The following LHFPL3 variants were observed in gnomAD, a reference collection of about 807,000 sequenced individuals.
LHFPL3 encodes LHFPL tetraspan subfamily member 3.
A neutral mutation model predicts 19.3 loss-of-function variants in LHFPL3; 5 were observed. The ratio of observed to expected loss-of-function variants is 0.26; its 90% CI spans 0.14 to 0.54. The LOEUF (loss-of-function observed/expected upper bound fraction) is 0.54. Ranked by LOEUF, LHFPL3 falls within the 20% of genes least tolerant of loss-of-function variation. The pLI, the probability that LHFPL3 is intolerant of heterozygous loss-of-function variation, is 0.94. For missense variants in LHFPL3, 249 were observed against 307.4 expected (o/e 0.81, Z 1.42); for synonymous variants, 133 against 126.2 (o/e 1.05, Z -0.36).
chr7:104,724,252 A>G (rs923221721), intron 1 of LHFPL3, among the ~76,000 whole-genome samples: 7 of 152,186 alleles, frequency 4.6e-5, no homozygotes, highest in Admixed American at 4.6e-4. Flanking sequence ...TTCCAAAGAA[A>G]CCAACAAAGC....
intron 1 of LHFPL3, among the ~76,000 whole-genome samples, chr7:104,444,445 G>A (rs1671741092): frequency 6.6e-6 from 1 of 152,140 alleles, no homozygotes; most frequent in South Asian, 2.1e-4. Context: ...TGTATTTTTA[G>A]ATAATTCTCC....
chr7:104,869,710 A>G (rs985166887), intron 2 of LHFPL3, among the ~76,000 whole-genome samples: 3 of 152,190 alleles, frequency 2.0e-5, no homozygotes, highest in African/African-American at 7.2e-5. Flanking sequence ...AGAACTAGAA[A>G]TACCATTTGA....
At chr7:104,329,450 G>A (rs1801529672) in intron 1 of LHFPL3, among the ~76,000 whole-genome samples, 1 of 152,272 alleles carries the variant, frequency 6.6e-6, no homozygotes, top group African/African-American at 2.4e-5. Flanking sequence ...AGCCTCCCAA[G>A]TGTGGGGGAC....
chr7:104,887,174 C>T lies in LHFPL3; in HGVS notation c.683-19013C>T, dbSNP rs185746623. Among the ~76,000 whole-genome samples, 23 of 152,250 alleles carry T rather than the reference C, an allele frequency of 1.5e-4. No individual in the cohort carries two copies. The East Asian group carries it at 3.9e-3, about 26-fold the overall frequency. Reference sequence around the variant, plus strand: ...CAGGGGTACATCAGCATTAGCTCCACGGTGAATAACAGAAGGCTAAATGAT... The same window carrying T: ...CAGGGGTACATCAGCATTAGCTCCATGGTGAATAACAGAAGGCTAAATGAT... On this transcript the variant is annotated intron_variant, in intron 2 of 2. Coordinates refer to ENST00000424859, the MANE Select transcript of LHFPL3 (RefSeq NM_199000.3).
chr7:104,777,646 C>T (rs1186834071), intron 2 of LHFPL3, among the ~76,000 whole-genome samples: 10 of 152,212 alleles, frequency 6.6e-5, no homozygotes, highest in Non-Finnish European at 1.5e-4. Flanking sequence ...ATTGCCAGCA[C>T]TACAGAGAAT....
At chr7:104,435,124 A>AT (rs138867069) in intron 1 of LHFPL3, among the ~76,000 whole-genome samples, 30,855 of 152,010 alleles carry the variant, frequency 0.2, 3,574 homozygotes, top group Admixed American at 0.33. Context: ...ATAGGATTAA[A>AT]TGTTTTCCAT....
intron 2 of LHFPL3, among the ~76,000 whole-genome samples, chr7:104,750,757 G>A (rs1167344739): frequency 3.9e-5 from 6 of 151,990 alleles, no homozygotes; most frequent in Non-Finnish European, 7.4e-5. Flanking sequence ...ACTTGGGACA[G>A]GGGGGGTTGT....
At chr7:104,485,622 C>A (rs1208069498) in intron 1 of LHFPL3, among the ~76,000 whole-genome samples, 1 of 152,108 alleles carries the variant, frequency 6.6e-6, no homozygotes, top group African/African-American at 2.4e-5. Flanking sequence ...GATTTTCTAT[C>A]ATTTTTTATT....
intron 1 of LHFPL3, among the ~76,000 whole-genome samples, chr7:104,661,362 T>A (rs1024493905): frequency 6.6e-6 from 1 of 152,120 alleles, no homozygotes; most frequent in East Asian, 1.9e-4. Context: ...TCCAGGGCAG[T>A]ATTACTAAAT....
At chr7:104,622,450 TAA>T (rs1791463013) in intron 1 of LHFPL3, among the ~76,000 whole-genome samples, 1 of 152,220 alleles carries the variant, frequency 6.6e-6, no homozygotes, top group Non-Finnish European at 1.5e-5. Flanking sequence ...TATCTAGATA[TAA>T]TTCACATACC....
intron 2 of LHFPL3, among the ~76,000 whole-genome samples, chr7:104,901,780 G>A (rs1792490013): frequency 1.3e-5 from 2 of 151,874 alleles, no homozygotes; most frequent in South Asian, 4.2e-4. Context: ...ATGTTGCCCA[G>A]GCTGGTCTTG....
At chr7:104,554,617 A>T (rs1794723587) in intron 1 of LHFPL3, among the ~76,000 whole-genome samples, 1 of 151,228 alleles carries the variant, frequency 6.6e-6, no homozygotes, top group Non-Finnish European at 1.5e-5. Context: ...CAGAGGCAGA[A>T]CTAATAGGAT....
At chr7:104,571,780 C>G (rs749574747) in intron 1 of LHFPL3, among the ~76,000 whole-genome samples, 11 of 152,120 alleles carry the variant, frequency 7.2e-5, no homozygotes, top group Non-Finnish European at 1.2e-4. Context: ...AGGGCTAAAC[C>G]TTCTCACTAT....
intron 1 of LHFPL3, among the ~76,000 whole-genome samples, chr7:104,660,136 G>A (rs1330476920): frequency 6.6e-6 from 1 of 152,100 alleles, no homozygotes; most frequent in East Asian, 1.9e-4. Context: ...GAAGTAGCTG[G>A]GACTACAGGT....
chr7:104,877,427 A>G (rs893228539), intron 2 of LHFPL3, among the ~76,000 whole-genome samples: 1 of 152,172 alleles, frequency 6.6e-6, no homozygotes, highest in African/African-American at 2.4e-5. Context: ...AGGACAAATG[A>G]CCCAATTAAA....
intron 1 of LHFPL3, among the ~76,000 whole-genome samples, chr7:104,464,080 G>A (rs540971005): frequency 2.0e-5 from 3 of 152,298 alleles, no homozygotes; most frequent in East Asian, 3.9e-4. Flanking sequence ...GCAAATACAC[G>A]GATTCCAAAT....
At chr7:104,775,161 G>A (rs1308528712) in intron 2 of LHFPL3, among the ~76,000 whole-genome samples, 1 of 152,196 alleles carries the variant, frequency 6.6e-6, no homozygotes, top group African/African-American at 2.4e-5. Context: ...GGAGGCCAAG[G>A]CAGGCAGATC....
intron 1 of LHFPL3, among the ~76,000 whole-genome samples, chr7:104,537,813 T>C (rs1290072985): frequency 6.6e-6 from 1 of 152,164 alleles, no homozygotes; most frequent in Non-Finnish European, 1.5e-5. Flanking sequence ...CTAATGCAAA[T>C]GGATGAGGGA....
At chr7:104,611,731 T>TA (rs869042561) in intron 1 of LHFPL3, among the ~76,000 whole-genome samples, 36 of 151,828 alleles carry the variant, frequency 2.4e-4, no homozygotes, top group African/African-American at 8.0e-4. Flanking sequence ...CAGAAAATAC[T>TA]AAAAAAGGGG....
Sources: allele counts gnomAD v4.1 joint callset (sites outside exome capture counted in the v4.1 genomes callset), GRCh38; gene constraint gnomAD v4.1.1; transcripts MANE v1.5; gene names NCBI Gene and HGNC (gene_info 2026-07-23, HGNC 2026-07-21).